The following CDH12 variants were observed in gnomAD, a reference collection of about 807,000 sequenced individuals.
CDH12 encodes the protein cadherin-12.
In CDH12, 41 loss-of-function variants were observed where a neutral mutation model predicts 74.1. The ratio of observed to expected loss-of-function variants is 0.55; its 90% CI spans 0.43 to 0.72. The LOEUF (loss-of-function observed/expected upper bound fraction) is 0.72. Ranked by LOEUF, CDH12 falls within the 30% of genes least tolerant of loss-of-function variation. The probability of loss-of-function intolerance (pLI) is 0.00; values close to 1 mark genes in which losing one functional copy is unlikely to be tolerated. For missense variants in CDH12, 945 were observed against 977.2 expected (o/e 0.97, Z 0.44); for synonymous variants, 399 against 355.0 (o/e 1.12, Z -1.39).
intron 6 of CDH12, among the ~76,000 whole-genome samples, chr5:21,871,520 G>A (rs1167856770): frequency 6.6e-6 from 1 of 152,110 alleles, no homozygotes; most frequent in African/African-American, 2.4e-5. Flanking sequence ...ATCACTTGAG[G>A]TCAAAAGTTC....
intron 4 of CDH12, among the ~76,000 whole-genome samples, chr5:22,157,766 T>A (rs909269909): frequency 1.1e-4 from 17 of 151,972 alleles, no homozygotes; most frequent in African/African-American, 4.1e-4. Flanking sequence ...ACTTTTTGAA[T>A]CAAAAATAGA....
At chr5:21,845,884 C>G (rs1400614479) in intron 7 of CDH12, among the ~76,000 whole-genome samples, 1 of 152,060 alleles carries the variant, frequency 6.6e-6, no homozygotes, top group Non-Finnish European at 1.5e-5. Context: ...CAAATTATTT[C>G]TTTTCCAGCA....
At chr5:22,113,544 T>G (rs1744931687) in intron 4 of CDH12, among the ~76,000 whole-genome samples, 2 of 152,092 alleles carry the variant, frequency 1.3e-5, no homozygotes, top group Non-Finnish European at 2.9e-5. Context: ...TGTCCCACCT[T>G]TCTGGACCAA....
At chr5:21,803,602 G>C (rs1315565888) in intron 9 of CDH12, among the ~76,000 whole-genome samples, 10 of 152,132 alleles carry the variant, frequency 6.6e-5, no homozygotes, top group Non-Finnish European at 1.5e-4. Context: ...ATATGGTGCT[G>C]CTGTGGTGCT....
At chr5:21,882,004 A>G (rs1752378477) in intron 6 of CDH12, among the ~76,000 whole-genome samples, 1 of 152,252 alleles carries the variant, frequency 6.6e-6, no homozygotes, top group Admixed American at 6.5e-5. Flanking sequence ...TGGAAATTCA[A>G]GATAAATAAT....
At position 22,316,209 on chromosome 5, in the gene CDH12, A is replaced by G. The variant is rs73055914; in HGVS notation, c.-333+89048T>C. On this transcript the variant is annotated intron_variant, in intron 3 of 14. Coordinates refer to ENST00000382254, the MANE Select transcript of CDH12 (RefSeq NM_004061.5). ...AATACATACTAATCTAAGACTAAAA[A>G]AAAGAGAATGCTAAGAGTTTTTTTT... Among the ~76,000 whole-genome samples, 688 of 152,212 alleles carry G rather than the reference A, an allele frequency of 4.5e-3. 8 individuals are homozygous for G. Among genetic ancestry groups the G allele is most frequent in the African/African-American group, 0.016 (658 of 41,560 alleles).
At chr5:22,255,276 A>C (rs370031742) in intron 3 of CDH12, among the ~76,000 whole-genome samples, 2 of 150,784 alleles carry the variant, frequency 1.3e-5, no homozygotes, top group East Asian at 3.9e-4. Context: ...TTTTTTTTTG[A>C]GTGATGTATG....
At chr5:22,771,729 C>T (rs1169389590) in intron 1 of CDH12, among the ~76,000 whole-genome samples, 1 of 151,882 alleles carries the variant, frequency 6.6e-6, no homozygotes, top group East Asian at 1.9e-4. Flanking sequence ...TACAAAATAG[C>T]CCCTTACAAA....
intron 6 of CDH12, among the ~76,000 whole-genome samples, chr5:21,880,621 T>TCCTTCTTTCTC (rs1561268481): frequency 4.1e-5 from 2 of 48,564 alleles, no homozygotes; most frequent in South Asian, 8.3e-4. Context: ...CCTTCCTTCT[T>TCCTTCTTTCTC]TCTTTCTTTC....
chr5:22,160,830 T>C (rs1213395848), intron 4 of CDH12, among the ~76,000 whole-genome samples: 3 of 152,182 alleles, frequency 2.0e-5, no homozygotes, highest in Non-Finnish European at 4.4e-5. Context: ...TAAAAGACCT[T>C]ACCTCCAAAT....
chr5:22,481,948 T>C (rs1746400811), intron 2 of CDH12, among the ~76,000 whole-genome samples: 1 of 152,206 alleles, frequency 6.6e-6, no homozygotes, highest in Admixed American at 6.5e-5. Flanking sequence ...TGTAAAATTA[T>C]ATACATTAAT....
rs1346877420 is a variant in CDH12 at position 22,356,148 on chromosome 5, AT to A, written c.-333+49108del. Among the ~76,000 whole-genome samples the A allele has an allele frequency of 1.6e-4, 24 of 152,178 alleles. 1 individual carries two copies. The highest frequency in any genetic ancestry group is 1.3e-3 in the Admixed American group (20 of 15,268). On this transcript the variant is annotated intron_variant, in intron 3 of 14. Coordinates refer to ENST00000382254, the MANE Select transcript of CDH12 (RefSeq NM_004061.5). ...AAGAGCCTTTTTCAAAAATGCATTCATTTTAAGCTCTGTAACATCAAAATCT... is the reference window on the plus strand; with the variant it reads ...AAGAGCCTTTTTCAAAAATGCATTCATTTAAGCTCTGTAACATCAAAATCT...
intron 1 of CDH12, among the ~76,000 whole-genome samples, chr5:22,607,306 C>A (rs1737167844): frequency 6.6e-6 from 1 of 152,100 alleles, no homozygotes; most frequent in South Asian, 2.1e-4. Context: ...CAGCTCCTTC[C>A]ATCACAGGCT....
chr5:22,027,967 C>A (rs1738499771), intron 5 of CDH12, among the ~76,000 whole-genome samples: 1 of 151,864 alleles, frequency 6.6e-6, no homozygotes, highest in Admixed American at 6.6e-5. Context: ...TATAAATTTC[C>A]CTCTACACAC....
At chr5:22,104,239 A>C (rs933348306) in intron 4 of CDH12, among the ~76,000 whole-genome samples, 4 of 152,204 alleles carry the variant, frequency 2.6e-5, no homozygotes, top group Non-Finnish European at 5.9e-5. Flanking sequence ...GAAAATACTA[A>C]AAAATAATTA....
intron 1 of CDH12, among the ~76,000 whole-genome samples, chr5:22,774,875 T>C (rs1467664984): frequency 6.6e-6 from 1 of 152,082 alleles, no homozygotes; most frequent in African/African-American, 2.4e-5. Context: ...AACTACCTAT[T>C]GAATTCTATG....
intron 8 of CDH12, among the ~76,000 whole-genome samples, chr5:21,837,452 G>A (rs1279574049): frequency 6.9e-6 from 1 of 144,294 alleles, no homozygotes; most frequent in East Asian, 2.0e-4. Flanking sequence ...ATCTCATAAA[G>A]TTCATCTGGA....
intron 1 of CDH12, among the ~76,000 whole-genome samples, chr5:22,810,382 T>G (rs1339156867): frequency 1.3e-5 from 2 of 152,212 alleles, no homozygotes; most frequent in African/African-American, 4.8e-5. Flanking sequence ...GGGTTTGAAT[T>G]GCCAGTTGTT....
intron 1 of CDH12, among the ~76,000 whole-genome samples, chr5:22,740,323 A>C (rs1461112128): frequency 6.6e-6 from 1 of 152,010 alleles, no homozygotes; most frequent in Non-Finnish European, 1.5e-5. Context: ...TTTGTTCAGC[A>C]TTAACCACTT....
Sources: allele counts gnomAD v4.1 joint callset (sites outside exome capture counted in the v4.1 genomes callset), GRCh38; gene constraint gnomAD v4.1.1; transcripts MANE v1.5; gene names NCBI Gene and HGNC (gene_info 2026-07-23, HGNC 2026-07-21).